The following CCSER1 variants were observed in gnomAD, a reference collection of about 807,000 sequenced individuals.
CCSER1 encodes the protein coiled-coil serine rich protein 1.
CCSER1 carries 41 observed loss-of-function variants against 82.0 expected under a neutral mutation model. That is an observed-to-expected ratio of 0.50 (90% CI 0.39 to 0.65). The LOEUF is 0.65. Ranked by LOEUF, CCSER1 falls within the 30% of genes least tolerant of loss-of-function variation. The probability of loss-of-function intolerance (pLI) is 0.00; values close to 1 mark genes in which losing one functional copy is unlikely to be tolerated. For missense variants in CCSER1, 1,119 were observed against 1,064.2 expected (o/e 1.05, Z -0.72); for synonymous variants, 414 against 383.9 (o/e 1.08, Z -0.92).
intron 1 of CCSER1, among the ~76,000 whole-genome samples, chr4:90,242,792 C>T (rs1417455551): frequency 1.3e-5 from 2 of 152,168 alleles, no homozygotes; most frequent in African/African-American, 4.8e-5. Flanking sequence ...TTATTCAGGA[C>T]CTGTTGTAAG....
chr4:90,726,417 C>T (rs1256191540), intron 7 of CCSER1, among the ~76,000 whole-genome samples: 1 of 151,746 alleles, frequency 6.6e-6, no homozygotes, highest in Non-Finnish European at 1.5e-5. Context: ...AGGAATGTAC[C>T]ATAGTAAGAT....
At chr4:90,920,681 C>G (rs535077041) in intron 8 of CCSER1, among the ~76,000 whole-genome samples, 1 of 152,004 alleles carries the variant, frequency 6.6e-6, no homozygotes, top group South Asian at 2.1e-4. Context: ...ACCTCGGGCT[C>G]TCTCCGTGGT....
intron 10 of CCSER1, among the ~76,000 whole-genome samples, chr4:91,382,446 C>T (rs1004186947): frequency 2.6e-5 from 4 of 152,140 alleles, no homozygotes; most frequent in Admixed American, 6.5e-5. Flanking sequence ...TCTTGCAGTT[C>T]GATCTCAGAC....
intron 10 of CCSER1, among the ~76,000 whole-genome samples, chr4:91,529,165 AG>A (rs1297979870): frequency 1.3e-5 from 2 of 152,152 alleles, no homozygotes; most frequent in Non-Finnish European, 2.9e-5. Context: ...AATTAGTTTC[AG>A]ATGTAAGAAG....
rs79021661 is a variant in CCSER1, at chr4:90,502,632, A to C, written c.1724+34278A>C. The stretch of plus-strand genomic sequence containing the variant: ...GGCAAGATGACAGACTATAGAAATA[A>C]ATTACTTCACTGGGAAAAACACCAC... On this transcript the variant is annotated intron_variant, in intron 5 of 10. Coordinates refer to ENST00000509176, the MANE Select transcript of CCSER1 (RefSeq NM_001145065.2). 3.9e-5 allele frequency among the ~76,000 whole-genome samples: 6 copies of C among 152,266 alleles called. No homozygotes were observed. In the East Asian group the frequency reaches 1.2e-3, roughly 29 times the overall value.
At chr4:91,353,859 A>G (rs576873841) in intron 10 of CCSER1, among the ~76,000 whole-genome samples, 4 of 152,148 alleles carry the variant, frequency 2.6e-5, no homozygotes, top group Non-Finnish European at 5.9e-5. Flanking sequence ...CTGGGAACCA[A>G]TTTCCAAACA....
At chr4:91,331,061 C>T (rs1035942082) in intron 10 of CCSER1, among the ~76,000 whole-genome samples, 3 of 152,032 alleles carry the variant, frequency 2.0e-5, no homozygotes, top group Admixed American at 6.6e-5. Flanking sequence ...TCCTTGGTTT[C>T]AGACATCCAC....
intron 4 of CCSER1, among the ~76,000 whole-genome samples, chr4:90,410,261 C>T (rs2153553892): frequency 6.6e-6 from 1 of 152,276 alleles, no homozygotes; most frequent in South Asian, 2.1e-4. Context: ...CAATTGAACT[C>T]AGCTCTGCAC....
intron 5 of CCSER1, among the ~76,000 whole-genome samples, chr4:90,502,372 A>G (rs1770025907): frequency 6.6e-6 from 1 of 152,118 alleles, no homozygotes; most frequent in Non-Finnish European, 1.5e-5. Context: ...CTGTGAGGAG[A>G]AGAACAAAGA....
At chr4:91,141,297 G>A (rs369305870) in intron 10 of CCSER1, among the ~76,000 whole-genome samples, 1 of 152,108 alleles carries the variant, frequency 6.6e-6, no homozygotes, top group African/African-American at 2.4e-5. Flanking sequence ...GGAATTACAG[G>A]CACCTGCCAC....
chr4:90,222,179 G>T (rs1018734859), intron 1 of CCSER1, among the ~76,000 whole-genome samples: 1 of 152,084 alleles, frequency 6.6e-6, no homozygotes, highest in Non-Finnish European at 1.5e-5. Context: ...TTGGAGAGGA[G>T]CGTATTTAGA....
At chr4:91,559,718 G>A (rs927185238) in intron 10 of CCSER1, among the ~76,000 whole-genome samples, 1 of 151,336 alleles carries the variant, frequency 6.6e-6, no homozygotes, top group Non-Finnish European at 1.5e-5. Flanking sequence ...CAATTACAAA[G>A]AGGTATATTA....
intron 4 of CCSER1, among the ~76,000 whole-genome samples, chr4:90,416,200 T>C (rs1755761789): frequency 6.6e-6 from 1 of 152,194 alleles, no homozygotes; most frequent in Admixed American, 6.5e-5. Context: ...TTCAATCTTA[T>C]TTATCAATTA....
At chr4:90,481,059 A>T (rs146253265) in intron 5 of CCSER1, among the ~76,000 whole-genome samples, 2,416 of 152,224 alleles carry the variant, frequency 0.016, 37 homozygotes, top group African/African-American at 0.047. Flanking sequence ...TTCCTTGAGC[A>T]GTGGTTTGAA....
intron 4 of CCSER1, among the ~76,000 whole-genome samples, chr4:90,418,685 A>G (rs1756181444): frequency 6.6e-6 from 1 of 152,052 alleles, no homozygotes; most frequent in African/African-American, 2.4e-5. Context: ...TTCATGTAAA[A>G]TGTTAAAATC....
At chr4:90,650,532 A>T (rs1560884281) in intron 6 of CCSER1, among the ~76,000 whole-genome samples, 2 of 152,204 alleles carry the variant, frequency 1.3e-5, no homozygotes, top group Non-Finnish European at 2.9e-5. Context: ...AATAAAAGAA[A>T]GGGAGATAAT....
At chr4:90,193,437 C>T (rs1235837461) in intron 1 of CCSER1, among the ~76,000 whole-genome samples, 1 of 152,018 alleles carries the variant, frequency 6.6e-6, no homozygotes, top group Non-Finnish European at 1.5e-5. Context: ...AGTATGAATA[C>T]AAAAGAGTTA....
intron 9 of CCSER1, among the ~76,000 whole-genome samples, chr4:91,018,203 A>G (rs1739610169): frequency 6.6e-6 from 1 of 152,134 alleles, no homozygotes; most frequent in South Asian, 2.1e-4. Flanking sequence ...CACAAGCTTC[A>G]GACTTGCTTT....
chr4:91,093,174 C>T (rs4693261), intron 10 of CCSER1, among the ~76,000 whole-genome samples: 100,271 of 152,080 alleles, frequency 0.66, 33,512 homozygotes, highest in East Asian at 0.95. Context: ...GGTTTGGCTT[C>T]AATAACATCA....
Sources: gnomAD v4.1 joint callset for allele counts (sites outside exome capture counted in the v4.1 genomes callset) on GRCh38, gnomAD v4.1.1 for gene constraint, MANE v1.5 for transcripts, NCBI Gene and HGNC (gene_info 2026-07-23, HGNC 2026-07-21) for gene names.